SLC24A2: variants seen among roughly 807,000 people sequenced by gnomAD.
The protein encoded by SLC24A2 is sodium/potassium/calcium exchanger 2.
Under a neutral mutation model 62.0 loss-of-function variants are expected in SLC24A2, and 36 were observed. That is an observed-to-expected ratio of 0.58 (90% confidence interval 0.44 to 0.77). SLC24A2 has a LOEUF of 0.77. SLC24A2 is among the 30% of genes least tolerant of loss of function. The pLI is 0.00. For missense variants in SLC24A2, 846 were observed against 817.9 expected (o/e 1.03, Z -0.42); for synonymous variants, 358 against 294.0 (o/e 1.22, Z -2.23).
the SLC24A2 span, among the ~76,000 whole-genome samples, chr9:20,135,564 G>T: frequency 6.6e-6 from 1 of 152,030 alleles, no homozygotes; most frequent in East Asian, 1.9e-4. Context: ...TATTAACTGC[G>T]ATAACATACG....
chr9:19,767,314 A>T (rs1398579990), intron 2 of SLC24A2, among the ~76,000 whole-genome samples: 1 of 152,112 alleles, frequency 6.6e-6, no homozygotes, highest in Non-Finnish European at 1.5e-5. Flanking sequence ...GTTTTGTCTC[A>T]CTGGCATTCC....
chr9:20,013,751 T>C, the SLC24A2 span, among the ~76,000 whole-genome samples: 2 of 152,230 alleles, frequency 1.3e-5, no homozygotes, highest in East Asian at 1.9e-4. Context: ...AATAACCTGA[T>C]TGAAAAATGG....
the SLC24A2 span, among the ~76,000 whole-genome samples, chr9:19,903,335 G>C: frequency 6.6e-6 from 1 of 152,292 alleles, no homozygotes. Flanking sequence ...GAGAGAGAGA[G>C]AGTGAGTGAG....
chr9:20,181,127 G>C, the SLC24A2 span, among the ~76,000 whole-genome samples: 2 of 152,020 alleles, frequency 1.3e-5, no homozygotes, highest in Non-Finnish European at 2.9e-5. Context: ...CAGATTGTTA[G>C]GGATACTGAC....
Position 19,623,515 on chromosome 9 carries a change from TA to T in SLC24A2, c.931-1217del, listed in dbSNP as rs955005699. Among the ~76,000 whole-genome samples the T allele has an allele frequency of 9.5e-4, 145 of 152,110 alleles. 1 individual carries two copies. The highest frequency in any genetic ancestry group is 5.2e-4 in the Admixed American group (8 of 15,270). ...ATTACCTAAAATATACACTTTTGTG[TA>T]AAAAAAATAGAAGGGATTCTTATAA... On this transcript the variant is annotated intron_variant, in intron 2 of 10. Transcript: ENST00000341998.
chr9:20,150,694 T>G, the SLC24A2 span, among the ~76,000 whole-genome samples: 1 of 149,578 alleles, frequency 6.7e-6, no homozygotes, highest in Non-Finnish European at 1.5e-5. Flanking sequence ...CTGGAAATAA[T>G]TGTATTCAGC....
At chr9:20,251,068 G>GC in the SLC24A2 span, among the ~76,000 whole-genome samples, 2 of 152,198 alleles carry the variant, frequency 1.3e-5, no homozygotes. Flanking sequence ...GCTGGACTCA[G>GC]CCCATAGAGA....
the SLC24A2 span, among the ~76,000 whole-genome samples, chr9:19,830,719 C>T: frequency 4.6e-5 from 7 of 152,148 alleles, no homozygotes; most frequent in Admixed American, 4.6e-4. Flanking sequence ...CTTTCCCTAA[C>T]TGGACATTGC....
intron 2 of SLC24A2, among the ~76,000 whole-genome samples, chr9:19,771,912 A>G (rs1822702712): frequency 6.6e-6 from 1 of 152,134 alleles, no homozygotes; most frequent in Non-Finnish European, 1.5e-5. Flanking sequence ...GGAGTTACAT[A>G]TATTGGGGGA....
At chr9:19,524,121 G>A (rs1330328176) in intron 9 of SLC24A2, among the ~76,000 whole-genome samples, 5 of 75,344 alleles carry the variant, frequency 6.6e-5, no homozygotes. Context: ...TCTTTTGGGG[G>A]AAATTACTTC....
At chr9:19,911,057 T>C in the SLC24A2 span, among the ~76,000 whole-genome samples, 4 of 115,756 alleles carry the variant, frequency 3.5e-5, no homozygotes, top group Non-Finnish European at 6.9e-5. Context: ...CTTAAAGCTA[T>C]CCCTCCCCCC....
At chr9:19,803,027 C>T in the SLC24A2 span, among the ~76,000 whole-genome samples, 1 of 152,126 alleles carries the variant, frequency 6.6e-6, no homozygotes, top group Admixed American at 6.5e-5. Flanking sequence ...TGAGCCCTCA[C>T]CAGACACTGA....
chr9:20,297,881 AATGCCTAGACTCTG>A, the SLC24A2 span, among the ~76,000 whole-genome samples: 1 of 152,188 alleles, frequency 6.6e-6, no homozygotes, highest in Admixed American at 6.5e-5. Flanking sequence ...AACTTTGGCA[AATGCCTAGACTCTG>A]AGCAATCTGT....
the SLC24A2 span, among the ~76,000 whole-genome samples, chr9:20,205,777 G>A: frequency 6.6e-6 from 1 of 151,558 alleles, no homozygotes; most frequent in South Asian, 2.1e-4. Flanking sequence ...GAAAACAACT[G>A]ACACTATTTG....
At chr9:19,990,561 A>G in the SLC24A2 span, among the ~76,000 whole-genome samples, 11 of 151,306 alleles carry the variant, frequency 7.3e-5, 1 homozygote, top group African/African-American at 2.7e-4. Flanking sequence ...CAGTGAGAAG[A>G]GATCACACCA....
chr9:20,125,637 G>T, the SLC24A2 span, among the ~76,000 whole-genome samples: 1 of 152,106 alleles, frequency 6.6e-6, no homozygotes, highest in African/African-American at 2.4e-5. Context: ...CAGCACTAGG[G>T]ACTCACCTAT....
the SLC24A2 span, among the ~76,000 whole-genome samples, chr9:20,009,287 A>T: frequency 6.7e-6 from 1 of 150,138 alleles, no homozygotes; most frequent in African/African-American, 2.5e-5. Flanking sequence ...CTGGAGGCTG[A>T]GGCATGAGAA....
chr9:20,163,571 G>C, the SLC24A2 span, among the ~76,000 whole-genome samples: 2 of 152,138 alleles, frequency 1.3e-5, no homozygotes, highest in African/African-American at 4.8e-5. Flanking sequence ...GTAATTTACA[G>C]ATTCAATGCC....
the SLC24A2 span, among the ~76,000 whole-genome samples, chr9:19,859,470 A>G: frequency 6.6e-6 from 1 of 152,166 alleles, no homozygotes; most frequent in Non-Finnish European, 1.5e-5. Context: ...TATGCAACAA[A>G]CGTGCACGTG....
Sources: gnomAD v4.1 joint callset for allele counts (sites outside exome capture counted in the v4.1 genomes callset) on GRCh38, gnomAD v4.1.1 for gene constraint, MANE v1.5 for transcripts, NCBI Gene and HGNC (gene_info 2026-07-23, HGNC 2026-07-21) for gene names.